The following RPE65 variants were observed in gnomAD, a reference collection of about 807,000 sequenced individuals.
RPE65 encodes the protein retinoid isomerohydrolase RPE65.
In RPE65, 58 loss-of-function variants were observed where a neutral mutation model predicts 68.5. The ratio of observed to expected loss-of-function variants is 0.85; its 90% CI spans 0.69 to 1.05. RPE65 has a LOEUF of 1.05. RPE65 is among the 50% of genes least tolerant of loss of function. The pLI, the probability that RPE65 is intolerant of heterozygous loss-of-function variation, is 0.00. For synonymous variants in RPE65, 220 were observed against 222.2 expected, an observed-to-expected ratio of 0.99 and a Z score of 0.09; for missense variants, 643 against 629.9, an observed-to-expected ratio of 1.02 and a Z score of -0.22.
chr1:68,443,717 A>G (rs1645919788), intron 5 of RPE65, among the ~76,000 whole-genome samples: 2 of 152,126 alleles, frequency 1.3e-5, no homozygotes, highest in African/African-American at 2.4e-5. Context: ...TCTTTGTCCT[A>G]TTACAGTTAC....
At chr1:68,438,161 C>T in intron 10 of RPE65, 26 bp downstream of exon 10, 1 of 1,613,416 alleles carries the variant, frequency 6.2e-7, no homozygotes, top group Non-Finnish European at 8.5e-7. Flanking sequence ...CTGGTTAAAT[C>T]TGAAATCTAC....
chr1:68,447,003 C>CGAGG, intron 2 of RPE65, 143 bp from the exon 3 acceptor site: 5 of 1,067,140 alleles, frequency 4.7e-6, no homozygotes, highest in Non-Finnish European at 7.1e-6. Flanking sequence ...CCAGCCCTCG[C>CGAGG]GCTGGACAGC....
At chr1:68,440,819 T>A (rs758427062) in intron 6 of RPE65, 34 bp downstream of exon 6, 12 of 1,612,472 alleles carry the variant, frequency 7.4e-6, no homozygotes, top group Non-Finnish European at 1.0e-5. Flanking sequence ...ATATAGACAC[T>A]TATTTTCAGA....
chr1:68,439,036 T>C lies in RPE65; in HGVS notation c.904A>G (p.Asn302Asp), dbSNP rs1189232709. Residue 302 changes from asparagine to aspartate, a missense_variant, in exon 9 of 14, where the codon AAT (asparagine) becomes GAT (aspartate). Physicochemically the swap from Asn to Asp is conservative, Grantham distance 23. Coordinates refer to ENST00000262340, the MANE Select transcript of RPE65 (RefSeq NM_000329.3). ...ADKKRKKYLN[N>D]KYRTSPFNLF... ...TTGAAAGGAGAAGTTCTGTATTTATTATTGAGGTACTTTTTCCTTTTTTTG... is the reference window on the plus strand; with the variant it reads ...TTGAAAGGAGAAGTTCTGTATTTATCATTGAGGTACTTTTTCCTTTTTTTG... 1 of 1,614,112 alleles carries C rather than the reference T, an allele frequency of 6.2e-7. No individual in the cohort carries two copies.
intron 2 of RPE65, among the ~76,000 whole-genome samples, chr1:68,447,412 C>T (rs3118425): frequency 0.011 from 1,659 of 152,288 alleles, 31 homozygotes; most frequent in African/African-American, 0.036. Context: ...TCTGCTGTAG[C>T]AGAAAGTCCA....
intron 2 of RPE65, 62 bp from the exon 3 acceptor site, chr1:68,446,922 G>A (rs1360117414): frequency 4.4e-6 from 7 of 1,608,738 alleles, no homozygotes; most frequent in Non-Finnish European, 4.2e-6. Context: ...GCTTGTCCTT[G>A]GTAAGGCAGA....
In RPE65 at chr1:68,429,745, G is replaced by T. The variant is rs763820730; in HGVS notation, c.*31C>A. 1 of 1,612,852 alleles carries T rather than the reference G, an allele frequency of 6.2e-7. No homozygotes were observed. The highest frequency in any genetic ancestry group is 8.5e-7 in the Non-Finnish European group (1 of 1,179,244). On this transcript the variant is annotated 3_prime_UTR_variant, in exon 14 of 14. Transcript: ENST00000262340. ...ACCTGAAGCTGATTTTCTCAGTTTT[G>T]CTACCAAAAACATATCTTGCTGGAG...
At chr1:68,431,695 G>GTTCCTCCCTGCAT in intron 10 of RPE65, 110 bp from the exon 11 acceptor site, 1 of 868,140 alleles carries the variant, frequency 1.2e-6, no homozygotes, top group Non-Finnish European at 1.9e-6. Flanking sequence ...TCAACATGCA[G>GTTCCTCCCTGCAT]GGAGGAACTG....
intron 10 of RPE65, among the ~76,000 whole-genome samples, chr1:68,434,719 CTGTT>C (rs56001963): frequency 0.056 from 8,432 of 151,376 alleles, 619 homozygotes; most frequent in African/African-American, 0.17. Context: ...ATTAGATTTC[CTGTT>C]TGTTTGTTTG....
chr1:68,449,895 T>C lies in RPE65; in HGVS notation c.11A>G (p.Gln4Arg), dbSNP rs1557605458. 1 of 1,614,162 alleles carries C rather than the reference T, an allele frequency of 6.2e-7. No homozygotes were observed. The highest frequency in any genetic ancestry group is 1.6e-4 in the Middle Eastern group (1 of 6,062). Residue 4 changes from glutamine (Q) to arginine (R), a missense_variant and splice_region_variant, in exon 1 of 14, where the codon CAG (glutamine) becomes CGG (arginine). Transcript: ENST00000262340. ...AAAAAAGTCTCCCAGAGATACTTAC[T>C]GGATAGACATTTTCTTCCAGTTCAG... MSIQVEHPAGGYKK... is the reference protein window; with the variant it reads MSIRVEHPAGGYKK...
chr1:68,448,593 A>G (rs1645959070), intron 2 of RPE65, 31 bp downstream of exon 2: 3 of 1,600,094 alleles, frequency 1.9e-6, no homozygotes, highest in Admixed American at 1.7e-5. Context: ...CTGACATAAA[A>G]GAGGATGGCT....
At chr1:68,435,374 T>TC (rs374114711) in intron 10 of RPE65, among the ~76,000 whole-genome samples, 54 of 152,100 alleles carry the variant, frequency 3.6e-4, no homozygotes, top group Non-Finnish European at 7.1e-4. Flanking sequence ...AAATATGATT[T>TC]CCCCCCCTGC....
intron 1 of RPE65, 52 bp downstream of exon 1, chr1:68,449,843 T>C: frequency 6.3e-7 from 1 of 1,596,474 alleles, no homozygotes; most frequent in Admixed American, 1.7e-5. Flanking sequence ...AAATAGCACA[T>C]TTATCATGAA....
intron 2 of RPE65, 75 bp from the exon 3 acceptor site, chr1:68,446,935 A>G (rs958776721): frequency 3.1e-6 from 5 of 1,596,890 alleles, no homozygotes; most frequent in East Asian, 2.2e-5. Flanking sequence ...AAGGCAGAGT[A>G]TATCAGCAGC....
At chr1:68,444,258 A>G (rs1005917884) in intron 5 of RPE65, among the ~76,000 whole-genome samples, 2 of 152,180 alleles carry the variant, frequency 1.3e-5, no homozygotes, top group Non-Finnish European at 2.9e-5. Context: ...TGAAGAAACA[A>G]TGTTTGTCCT....
chr1:68,443,103 T>C (rs1182918886), intron 5 of RPE65, among the ~76,000 whole-genome samples: 3 of 150,358 alleles, frequency 2.0e-5, no homozygotes, highest in Admixed American at 1.3e-4. Flanking sequence ...TACTACTTCT[T>C]TGAGCAAAAA....
rs1489591456 is a variant in RPE65 at position 68,429,672 on chromosome 1, A to G, written c.*104T>C. ...GCAAAATTGTGCGCATCTGCAAGTTAAAACCATGACATATAGCAGGCTAAA... is the reference window on the plus strand; with the variant it reads ...GCAAAATTGTGCGCATCTGCAAGTTGAAACCATGACATATAGCAGGCTAAA... On this transcript the variant is annotated 3_prime_UTR_variant, in exon 14 of 14. Transcript: ENST00000262340. The G allele has an allele frequency of 6.9e-7, 1 of 1,447,756 alleles. No individual in the cohort carries two copies. Among genetic ancestry groups the G allele is most frequent in the Non-Finnish European group, 9.6e-7 (1 of 1,044,076 alleles). 89.7% of individuals were successfully genotyped at this position (1,447,756 alleles called of 1,614,324 possible).
At chr1:68,434,575 G>A (rs1364506175) in intron 10 of RPE65, among the ~76,000 whole-genome samples, 2 of 152,082 alleles carry the variant, frequency 1.3e-5, no homozygotes, top group African/African-American at 4.8e-5. Context: ...GAAGCGAGGG[G>A]TGTGCACATG....
intron 3 of RPE65, 136 bp downstream of exon 3, chr1:68,446,574 C>T: frequency 1.0e-6 from 1 of 991,084 alleles, no homozygotes; most frequent in Admixed American, 1.9e-5. Flanking sequence ...TGCAGACACA[C>T]TGGCCCAGGT....
Sources: allele counts gnomAD v4.1 joint callset (sites outside exome capture counted in the v4.1 genomes callset), GRCh38; gene constraint gnomAD v4.1.1; transcripts MANE v1.5; gene names NCBI Gene and HGNC (gene_info 2026-07-23, HGNC 2026-07-21).